Variants in NT5DC4 observed in about 807,000 individuals in gnomAD.
The protein encoded by NT5DC4 is 5'-nucleotidase domain containing 4.
Under a neutral mutation model 26.6 loss-of-function variants are expected in NT5DC4, and 44 were observed. The ratio of observed to expected loss-of-function variants is 1.65; its 90% confidence interval spans 1.30 to 2.13. The LOEUF is 2.13. Ranked by LOEUF, NT5DC4 falls within the 30% of genes most tolerant of loss-of-function variation. The pLI is 0.00. For missense variants in NT5DC4, 399 were observed against 228.1 expected, an observed-to-expected ratio of 1.75 and a Z score of -4.83; for synonymous variants, 157 against 86.7, an observed-to-expected ratio of 1.81 and a Z score of -4.51.
upstream of NT5DC4, among the ~76,000 whole-genome samples, chr2:112,720,422 G>T (rs1676775443): frequency 6.6e-6 from 1 of 152,084 alleles, no homozygotes; most frequent in African/African-American, 2.4e-5. Flanking sequence ...GGATGATCCA[G>T]GTCACCGCTC....
intron 16 of NT5DC4, chr2:112,738,630 T>A (rs554426429): frequency 5.2e-5 from 31 of 593,676 alleles, no homozygotes; most frequent in Non-Finnish European, 8.7e-5. Flanking sequence ...GGCAAACTGG[T>A]CTTAAACACA....
chr2:112,736,465 GTTTT>G (rs909840387), intron 16 of NT5DC4: 3 of 152,086 alleles, frequency 2.0e-5, no homozygotes, highest in Admixed American at 6.6e-5. Context: ...TATCATCTCA[GTTTT>G]TTTGTGATAA....
rs1574244633 is a variant in NT5DC4 at position 112,724,393 on chromosome 2, G to A, written c.789+267G>A. On this transcript the variant is annotated intron_variant, in intron 10 of 16. Coordinates refer to ENST00000688554, the MANE Select transcript of NT5DC4 (RefSeq NM_001393655.1). ...GGCGGCAGAAAGTGGGTGAGACGAG[G>A]GCATGGCAGGTCAAAGGGAGGGGTG... 11 of 589,146 alleles carry A rather than the reference G, an allele frequency of 1.9e-5. No individual in the cohort carries two copies. The East Asian group carries it at 2.8e-4, about 15-fold the overall frequency. The allele number at this position is 589,146 out of a possible 1,614,324, so 36.5% of individuals were successfully genotyped here. A position where few individuals can be genotyped will look rare whatever the true frequency, so the allele number is the denominator to read the frequency against.
At chr2:112,726,137 G>C in intron 13 of NT5DC4, 101 bp from the exon 14 acceptor site, 1 of 702,184 alleles carries the variant, frequency 1.4e-6, no homozygotes, top group East Asian at 2.7e-5. Flanking sequence ...ACAGCTCAGG[G>C]TGTGCAAGTC....
At chr2:112,728,201 GC>G (rs1678008912) in intron 15 of NT5DC4, among the ~76,000 whole-genome samples, 1 of 152,214 alleles carries the variant, frequency 6.6e-6, no homozygotes, top group Admixed American at 6.5e-5. Context: ...TCTTCCTCAT[GC>G]CCAACCTTAA....
At chr2:112,732,052 A>G (rs1678555624) in intron 16 of NT5DC4, among the ~76,000 whole-genome samples, 1 of 151,016 alleles carries the variant, frequency 6.6e-6, no homozygotes, top group Non-Finnish European at 1.5e-5. Flanking sequence ...TTGGGATTAC[A>G]GGCATACTCC....
chr2:112,726,881 GC>G (rs1677814900), intron 15 of NT5DC4, 143 bp downstream of exon 15: 15 of 661,260 alleles, frequency 2.3e-5, no homozygotes, highest in Admixed American at 1.1e-4. Flanking sequence ...GGCTCCACCT[GC>G]CTTGTCAGCC....
chr2:112,728,944 C>A (rs931431073), intron 15 of NT5DC4, among the ~76,000 whole-genome samples: 1 of 152,172 alleles, frequency 6.6e-6, no homozygotes, highest in Non-Finnish European at 1.5e-5. Flanking sequence ...TCTCTGGACT[C>A]TTAGATGGGC....
At chr2:112,731,918 T>TG (rs72199419) in intron 16 of NT5DC4, among the ~76,000 whole-genome samples, 13 of 118,186 alleles carry the variant, frequency 1.1e-4, no homozygotes, top group African/African-American at 5.6e-4. Context: ...GAGAGTTTAC[T>TG]TTTTTTTTTT....
chr2:112,726,894 G>A (rs1250195862), intron 15 of NT5DC4, 156 bp downstream of exon 15: 5 of 652,138 alleles, frequency 7.7e-6, no homozygotes, highest in South Asian at 5.2e-5. Context: ...TTGTCAGCCA[G>A]CGCCCTCTGC....
At chr2:112,740,634 G>C (rs1268033988), downstream of NT5DC4, among the ~76,000 whole-genome samples, 1 of 152,142 alleles carries the variant, frequency 6.6e-6, no homozygotes, top group Non-Finnish European at 1.5e-5. Context: ...CAGGACAAAT[G>C]AGAGTGAAAA....
intron 16 of NT5DC4, among the ~76,000 whole-genome samples, chr2:112,733,171 C>T (rs1445408278): frequency 6.6e-6 from 1 of 151,902 alleles, no homozygotes; most frequent in Non-Finnish European, 1.5e-5. Context: ...TGAGAAAACT[C>T]ATATCCTTAG....
At chr2:112,739,431 G>T (rs572313173), downstream of NT5DC4, among the ~76,000 whole-genome samples, 1 of 152,254 alleles carries the variant, frequency 6.6e-6, no homozygotes, top group African/African-American at 2.4e-5. Context: ...CAAAAAAAAG[G>T]CTTTTCCCTG....
intron 16 of NT5DC4, chr2:112,736,593 TC>T (rs1299391621): frequency 6.6e-6 from 1 of 152,228 alleles, no homozygotes; most frequent in Non-Finnish European, 1.5e-5. Flanking sequence ...GGCCTGCATC[TC>T]CCCATTTCCT....
chr2:112,726,639 C>G (rs1401622921), intron 14 of NT5DC4, 39 bp from the exon 15 acceptor site: 1 of 717,366 alleles, frequency 1.4e-6, no homozygotes, highest in East Asian at 2.7e-5. Context: ...CTCGGAGGCT[C>G]TGTGCCTCCC....
Position 112,722,089 on chromosome 2 carries a change from C to T in NT5DC4, c.252C>T (p.Pro84=), listed in dbSNP as rs1192497481. 7.0e-6 allele frequency: 5 copies of T among 717,092 alleles called. No homozygotes were observed. Among genetic ancestry groups the T allele is most frequent in the South Asian group, 4.4e-5 (3 of 67,598 alleles). 44.4% of individuals were successfully genotyped at this position (717,092 alleles called of 1,614,324 possible). Residue 84 remains proline, a synonymous_variant, in exon 3 of 17, where the codon CCC becomes CCT. Coordinates refer to ENST00000688554, the MANE Select transcript of NT5DC4 (RefSeq NM_001393655.1). The stretch of plus-strand genomic sequence containing the variant: ...AGATCCTGCGCTACACCTACGACCC[C>T]ACCTTCCCCACCAGGTGTGTGGCTC... ...PHEILRYTYD[P]TFPTRRLVFD... is the part of the protein sequence containing the mutation.
chr2:112,730,347 A>G (rs1283253617), intron 16 of NT5DC4, among the ~76,000 whole-genome samples: 1 of 148,108 alleles, frequency 6.8e-6, no homozygotes, highest in East Asian at 2.0e-4. Flanking sequence ...AGTTGGATCC[A>G]AAAGGGCGAC....
chr2:112,731,252 G>A (rs1452464648), intron 16 of NT5DC4: 1 of 151,892 alleles, frequency 6.6e-6, no homozygotes, highest in African/African-American at 2.4e-5. Flanking sequence ...CAGCAGATTT[G>A]GAGCCTGCAA....
At chr2:112,738,834 G>T in intron 16 of NT5DC4, 79 bp from the exon 17 acceptor site, 1 of 1,600,352 alleles carries the variant, frequency 6.2e-7, no homozygotes. Flanking sequence ...TATGATTCAG[G>T]GGTTTGAAAC....
Sources: allele counts gnomAD v4.1 joint callset (sites outside exome capture counted in the v4.1 genomes callset), GRCh38; gene constraint gnomAD v4.1.1; transcripts MANE v1.5; gene names NCBI Gene and HGNC (gene_info 2026-07-23, HGNC 2026-07-21).